The following NAA35 variants were observed in gnomAD, a reference collection of about 807,000 sequenced individuals.
NAA35 encodes MAK10 homolog, amino-acid N-acetyltransferase subunit.
NAA35 carries 18 observed loss-of-function variants against 101.7 expected under a neutral mutation model. The ratio of observed to expected loss-of-function variants is 0.18; its 90% CI spans 0.12 to 0.26. NAA35 has a LOEUF of 0.26. Ranked by LOEUF, NAA35 falls within the 10% of genes least tolerant of loss-of-function variation. The probability of loss-of-function intolerance (pLI) is 1.00; values close to 1 mark genes in which losing one functional copy is unlikely to be tolerated. For missense variants in NAA35, 601 were observed against 886.8 expected (o/e 0.68, Z 4.09); for synonymous variants, 267 against 273.1 (o/e 0.98, Z 0.22).
intron 6 of NAA35, among the ~76,000 whole-genome samples, chr9:85,962,944 G>T (rs1431215483): frequency 6.6e-6 from 1 of 152,072 alleles, no homozygotes; most frequent in Non-Finnish European, 1.5e-5. Flanking sequence ...GAGATAGAAA[G>T]ATTTTTTTCC....
chr9:85,984,275 G>A (rs1830557489), intron 11 of NAA35, among the ~76,000 whole-genome samples: 1 of 152,190 alleles, frequency 6.6e-6, no homozygotes, highest in African/African-American at 2.4e-5. Flanking sequence ...GCTACAGTGA[G>A]CTATGATTGT....
rs199613673 is a variant in NAA35 at position 85,997,346 on chromosome 9, A to ATT, written c.1056+781_1056+782dup. ...AGACACATGCCACTAGACTTGGATAATTTTTTTTTTTTTGATAGGGGGTTT... is the reference window on the plus strand; with the variant it reads ...AGACACATGCCACTAGACTTGGATAATTTTTTTTTTTTTTTGATAGGGGGTTT... On this transcript the variant is annotated intron_variant, in intron 12 of 22. Coordinates refer to ENST00000361671, the MANE Select transcript of NAA35 (RefSeq NM_024635.4). Among the ~76,000 whole-genome samples the ATT allele has an allele frequency of 9.3e-4, 134 of 143,480 alleles. 1 individual carries two copies. In the South Asian group the frequency reaches 0.029, roughly 31 times the overall value. The allele number at this position is 143,480 out of a possible 152,430, so 94.1% of individuals were successfully genotyped here.
chr9:85,946,300 C>T (rs1426594588), intron 2 of NAA35, among the ~76,000 whole-genome samples: 1 of 152,054 alleles, frequency 6.6e-6, no homozygotes, highest in Non-Finnish European at 1.5e-5. Flanking sequence ...AAGTGCTATG[C>T]CTGGCTTATT....
intron 6 of NAA35, among the ~76,000 whole-genome samples, chr9:85,970,679 T>C (rs1458068704): frequency 1.3e-5 from 2 of 152,206 alleles, no homozygotes; most frequent in Non-Finnish European, 2.9e-5. Context: ...TACAAAGTAC[T>C]ATTCAAAATA....
At chr9:85,952,828 C>T (rs1464021445) in intron 2 of NAA35, among the ~76,000 whole-genome samples, 1 of 152,118 alleles carries the variant, frequency 6.6e-6, no homozygotes, top group African/African-American at 2.4e-5. Flanking sequence ...TGCACCTTGG[C>T]CCTGAGAGTA....
At chr9:85,979,737 A>T (rs113482946) in intron 11 of NAA35, among the ~76,000 whole-genome samples, 21 of 152,324 alleles carry the variant, frequency 1.4e-4, no homozygotes, top group African/African-American at 5.1e-4. Flanking sequence ...CTGTGCTCTC[A>T]CACCACCACA....
intron 6 of NAA35, among the ~76,000 whole-genome samples, chr9:85,964,849 C>A (rs958117130): frequency 4.6e-5 from 7 of 152,118 alleles, no homozygotes; most frequent in African/African-American, 1.7e-4. Context: ...GTCTTATTAC[C>A]ATATGGTTAC....
At chr9:85,941,686 G>T in intron 1 of NAA35, 1 of 986,348 alleles carries the variant, frequency 1.0e-6, no homozygotes, top group Non-Finnish European at 1.2e-6. Flanking sequence ...GGTTCTGCCT[G>T]GGTCCGGGCC....
intron 6 of NAA35, among the ~76,000 whole-genome samples, chr9:85,973,141 T>C (rs1830065604): frequency 6.6e-6 from 1 of 151,972 alleles, no homozygotes; most frequent in African/African-American, 2.4e-5. Context: ...GAGGAGAACG[T>C]GTTTGGTATG....
chr9:86,003,547 C>G (rs1328923), intron 12 of NAA35, 38 bp from the exon 13 acceptor site: 607,075 of 1,253,564 alleles, frequency 0.48, 161,035 homozygotes, highest in Non-Finnish European at 0.55. Context: ...TTTATTTAAT[C>G]TATTAATGAC....
intron 12 of NAA35, among the ~76,000 whole-genome samples, chr9:86,002,258 G>T (rs1290483859): frequency 6.6e-6 from 1 of 152,046 alleles, no homozygotes; most frequent in African/African-American, 2.4e-5. Context: ...CCCTTTTTAG[G>T]TTACTCGCCC....
At chr9:85,977,787 C>G (rs954873694) in intron 10 of NAA35, among the ~76,000 whole-genome samples, 16 of 152,098 alleles carry the variant, frequency 1.1e-4, no homozygotes, top group Non-Finnish European at 2.4e-4. Context: ...GAACCAAAAG[C>G]AAGCCCTAGA....
chr9:85,972,509 CAAAA>C (rs34535924), intron 6 of NAA35, among the ~76,000 whole-genome samples: 7 of 53,996 alleles, frequency 1.3e-4, no homozygotes, highest in Non-Finnish European at 1.7e-4. Flanking sequence ...GACCCTGTCT[CAAAA>C]AAAAAAAAAA....
intron 1 of NAA35, 188 bp from the exon 2 acceptor site, chr9:85,941,967 G>C: frequency 1.6e-6 from 2 of 1,248,322 alleles, no homozygotes; most frequent in Non-Finnish European, 2.1e-6. Flanking sequence ...AGCAGCAGGA[G>C]TGTTAATTGA....
intron 6 of NAA35, among the ~76,000 whole-genome samples, chr9:85,967,605 A>G (rs1829814206): frequency 6.6e-6 from 1 of 152,096 alleles, no homozygotes; most frequent in Non-Finnish European, 1.5e-5. Context: ...GATCGAGACC[A>G]TCCTGGCTAA....
In NAA35 at chr9:86,024,235, G is replaced by A. The variant is rs116295533; in HGVS notation, c.*2275G>A. On this transcript the variant is annotated 3_prime_UTR_variant, in exon 23 of 23. Coordinates refer to ENST00000361671, the MANE Select transcript of NAA35 (RefSeq NM_024635.4). ...AAACTTTAGGTGACAAATCCCCATC[G>A]CATCTATTCAGGAGGCACTGCTGGG... Among the ~76,000 whole-genome samples the A allele has an allele frequency of 5.3e-5, 8 of 152,254 alleles. No homozygotes were observed. Among genetic ancestry groups the A allele is most frequent in the African/African-American group, 1.7e-4 (7 of 41,552 alleles).
chr9:86,021,417 C>T lies in NAA35; in HGVS notation c.2118+448C>T, dbSNP rs150910006. On this transcript the variant is annotated intron_variant, in intron 22 of 22. Coordinates refer to ENST00000361671, the MANE Select transcript of NAA35 (RefSeq NM_024635.4). ...TCATCATTTCAGAGCAGAGATTCTGCGCTGTGGAGAGGCCAGCCGCGGAGG... is the reference window on the plus strand; with the variant it reads ...TCATCATTTCAGAGCAGAGATTCTGTGCTGTGGAGAGGCCAGCCGCGGAGG... Among the ~76,000 whole-genome samples, 797 of 152,250 alleles carry T rather than the reference C, an allele frequency of 5.2e-3. 4 individuals carry two copies. Among genetic ancestry groups the T allele is most frequent in the African/African-American group, 0.018 (760 of 41,548 alleles).
rs937455862 is a variant in NAA35 at position 85,941,662 on chromosome 9, A to G, written c.-6+389A>G. ...ACCCTGCGGTGCCTGCCGGCTCCTC[A>G]TTGCTCCCGGCGAGGTTCTGCCTGG... On this transcript the variant is annotated intron_variant, in intron 1 of 22. Transcript: ENST00000361671. The G allele has an allele frequency of 9.8e-5, 97 of 985,904 alleles. 1 individual carries two copies. The African/African-American group carries it at 1.7e-3, about 17-fold the overall frequency. 61.1% of individuals were successfully genotyped at this position (985,904 alleles called of 1,614,324 possible). A position where few individuals can be genotyped will look rare whatever the true frequency, so the allele number is the denominator to read the frequency against.
intron 11 of NAA35, among the ~76,000 whole-genome samples, chr9:85,992,196 A>T (rs1830949127): frequency 6.6e-6 from 1 of 151,796 alleles, no homozygotes; most frequent in Admixed American, 6.6e-5. Context: ...ATAATAAAAA[A>T]TAAATGAATA....
Sources: gnomAD v4.1 joint callset for allele counts (sites outside exome capture counted in the v4.1 genomes callset) on GRCh38, gnomAD v4.1.1 for gene constraint, MANE v1.5 for transcripts, NCBI Gene and HGNC (gene_info 2026-07-23, HGNC 2026-07-21) for gene names.